HDGFL3: variants seen among roughly 807,000 people sequenced by gnomAD.
HDGFL3 encodes hepatoma-derived growth factor-related protein 3.
Under a neutral mutation model 27.6 loss-of-function variants are expected in HDGFL3, and 6 were observed. The ratio of observed to expected loss-of-function variants is 0.22; its 90% CI spans 0.12 to 0.43. The LOEUF (loss-of-function observed/expected upper bound fraction) is 0.43, where lower values mean the gene tolerates loss of function less well. Ranked by LOEUF, HDGFL3 falls within the 20% of genes least tolerant of loss-of-function variation. The pLI is 1.00. For missense variants in HDGFL3, 207 were observed against 250.1 expected, an observed-to-expected ratio of 0.83 and a Z score of 1.16; for synonymous variants, 88 against 88.9, an observed-to-expected ratio of 0.99 and a Z score of 0.05.
intron 1 of HDGFL3, among the ~76,000 whole-genome samples, chr15:83,178,923 T>C (rs2037347304): frequency 1.3e-5 from 2 of 152,278 alleles, no homozygotes; most frequent in East Asian, 1.9e-4. Flanking sequence ...AAGCTTGATA[T>C]TAGTGTTGTC....
intron 1 of HDGFL3, among the ~76,000 whole-genome samples, chr15:83,169,833 T>C (rs1229154382): frequency 6.6e-6 from 1 of 152,026 alleles, no homozygotes; most frequent in African/African-American, 2.4e-5. Context: ...AAAGACTTTG[T>C]CAAAAGGCTC....
intron 1 of HDGFL3, among the ~76,000 whole-genome samples, chr15:83,170,232 T>A (rs879840188): frequency 2.6e-5 from 4 of 152,164 alleles, no homozygotes; most frequent in Non-Finnish European, 5.9e-5. Context: ...AAAATTCATA[T>A]GGAACCAAAA....
intron 1 of HDGFL3, among the ~76,000 whole-genome samples, chr15:83,174,497 TAA>T (rs35330130): frequency 1.4e-4 from 20 of 138,978 alleles, no homozygotes; most frequent in Admixed American, 2.2e-4. Context: ...AGCACCACCC[TAA>T]AAAAAAAAAA....
exon 4 of HDGFL3, chr15:83,115,429 C>G (rs2034569753): frequency 2.8e-6 from 1 of 350,994 alleles, no homozygotes; most frequent in Non-Finnish European, 5.6e-6. Flanking sequence ...GAATCATTGT[C>G]TTAAACTTAG....
At chr15:83,119,345 T>C (rs1209753693) in intron 3 of HDGFL3, among the ~76,000 whole-genome samples, 3 of 152,258 alleles carry the variant, frequency 2.0e-5, no homozygotes, top group Admixed American at 6.5e-5. Context: ...TGATGCATCA[T>C]GGGCCAATTG....
intron 1 of HDGFL3, among the ~76,000 whole-genome samples, chr15:83,181,899 G>A (rs746547279): frequency 1.3e-5 from 2 of 152,118 alleles, no homozygotes; most frequent in African/African-American, 4.8e-5. Flanking sequence ...TTTTGAACAG[G>A]CATAAAATAA....
chr15:83,155,364 C>G (rs2037015166), intron 4 of HDGFL3, among the ~76,000 whole-genome samples: 1 of 152,206 alleles, frequency 6.6e-6, no homozygotes, highest in Non-Finnish European at 1.5e-5. Context: ...TTAAAAGCCA[C>G]ATATCCACAC....
At chr15:83,139,706 GAATA>G (rs2036729343) in intron 5 of HDGFL3, among the ~76,000 whole-genome samples, 1 of 152,112 alleles carries the variant, frequency 6.6e-6, no homozygotes, top group Admixed American at 6.5e-5. Context: ...TTAATCTTCA[GAATA>G]TTTATAACTT....
At chr15:83,150,497 A>C (rs955135794) in intron 5 of HDGFL3, among the ~76,000 whole-genome samples, 1 of 152,188 alleles carries the variant, frequency 6.6e-6, no homozygotes, top group African/African-American at 2.4e-5. Context: ...GGAAGAAAAG[A>C]GTTGAGAGGT....
At position 83,136,713 on chromosome 15, in the gene HDGFL3, T is replaced by C. The variant is rs1344386344; in HGVS notation, c.*2557A>G. On this transcript the variant is annotated 3_prime_UTR_variant, in exon 6 of 6. Transcript: ENST00000299633. ...TTCCTCCTTTCTAAATTACTAACTT[T>C]TGTTATACTGGTACTGATATTTTGT... 6.6e-7 allele frequency: 1 copy of C among 1,513,846 alleles called. No homozygotes were observed. Among genetic ancestry groups the C allele is most frequent in the Non-Finnish European group, 9.0e-7 (1 of 1,113,720 alleles). 93.8% of individuals were successfully genotyped at this position (1,513,846 alleles called of 1,614,324 possible).
At chr15:83,192,710 T>TAA (rs754169838) in intron 1 of HDGFL3, among the ~76,000 whole-genome samples, 4 of 152,210 alleles carry the variant, frequency 2.6e-5, no homozygotes, top group Non-Finnish European at 5.9e-5. Flanking sequence ...AACAAAATCT[T>TAA]AAGTTTTGGG....
Position 83,129,139 on chromosome 15 carries a change from T to TA in HDGFL3, c.*10130dup, listed in dbSNP as rs1386533175. 1 of 152,168 alleles carries TA rather than the reference T, an allele frequency of 6.6e-6. No homozygotes were observed. The highest frequency in any genetic ancestry group is 1.5e-5 in the Non-Finnish European group (1 of 68,050). 9.4% of individuals were successfully genotyped at this position (152,168 alleles called of 1,614,324 possible). On this transcript the variant is annotated 3_prime_UTR_variant, in exon 6 of 6. Transcript: ENST00000299633. ...GCCACCACACCCAACCAGGTCCAGTTAGTTTTACTCCAGTGATTCTCCAAC... is the reference window on the plus strand; with the variant it reads ...GCCACCACACCCAACCAGGTCCAGTTAAGTTTTACTCCAGTGATTCTCCAAC...
At chr15:83,163,936 T>C (rs547807890) in intron 2 of HDGFL3, 63 bp downstream of exon 2, 9 of 1,020,306 alleles carry the variant, frequency 8.8e-6, no homozygotes, top group Middle Eastern at 4.1e-4. Context: ...TCAGAGATCA[T>C]CCATAACAAT....
chr15:83,127,233 AG>A, downstream of HDGFL3: 1 of 887,950 alleles, frequency 1.1e-6, no homozygotes, highest in Non-Finnish European at 1.6e-6. Flanking sequence ...AAAAAAAAAA[AG>A]AGTCCCATAT....
At chr15:83,188,438 A>G (rs537178190) in intron 1 of HDGFL3, among the ~76,000 whole-genome samples, 1 of 152,236 alleles carries the variant, frequency 6.6e-6, no homozygotes, top group East Asian at 1.9e-4. Context: ...ATGTTTTGGT[A>G]GAGATGGGGT....
At chr15:83,188,134 T>G (rs1596565160) in intron 1 of HDGFL3, among the ~76,000 whole-genome samples, 1 of 152,244 alleles carries the variant, frequency 6.6e-6, no homozygotes, top group East Asian at 1.9e-4. Flanking sequence ...CTTTTAAATT[T>G]GTATTTCCCT....
chr15:83,201,905 A>G (rs956058905), intron 1 of HDGFL3, among the ~76,000 whole-genome samples: 1 of 152,190 alleles, frequency 6.6e-6, no homozygotes, highest in African/African-American at 2.4e-5. Context: ...AAAAAGACTG[A>G]GTGAGCTTGT....
chr15:83,135,987 G>C lies in HDGFL3; in HGVS notation c.*3283C>G, dbSNP rs1017887875. 2 of 152,280 alleles carry C rather than the reference G, an allele frequency of 1.3e-5. No individual in the cohort carries two copies. The highest frequency in any genetic ancestry group is 4.8e-5 in the African/African-American group (2 of 41,420). 9.4% of individuals were successfully genotyped at this position (152,280 alleles called of 1,614,324 possible). On this transcript the variant is annotated 3_prime_UTR_variant, in exon 6 of 6. Coordinates refer to ENST00000299633, the MANE Select transcript of HDGFL3 (RefSeq NM_016073.4). The stretch of plus-strand genomic sequence containing the variant: ...AGTAGATGAAAGACTGATAAATGAA[G>C]CTGAGGTCCCCCCAGTGCTTCCCTT...
downstream of HDGFL3, chr15:83,122,775 T>G: frequency 6.2e-6 from 10 of 1,614,048 alleles, no homozygotes; most frequent in Non-Finnish European, 8.5e-6. Context: ...GGAACACGAA[T>G]TTGCCCTGCT....
Sources: gnomAD v4.1 joint callset for allele counts (sites outside exome capture counted in the v4.1 genomes callset) on GRCh38, gnomAD v4.1.1 for gene constraint, MANE v1.5 for transcripts, NCBI Gene and HGNC (gene_info 2026-07-23, HGNC 2026-07-21) for gene names.